Variants in CAMSAP3 observed in about 807,000 individuals in gnomAD.
CAMSAP3 encodes the protein calmodulin regulated spectrin associated protein family member 3, also known as calmodulin-regulated spectrin-associated protein 3.
In CAMSAP3, 34 loss-of-function variants were observed where a neutral mutation model predicts 112.5. That is an observed-to-expected ratio of 0.30 (90% CI 0.23 to 0.40). CAMSAP3 has a LOEUF of 0.40. CAMSAP3 is among the 10% of genes least tolerant of loss of function. The pLI, the probability that CAMSAP3 is intolerant of heterozygous loss-of-function variation, is 1.00. For missense variants in CAMSAP3, 1,602 were observed against 1,770.3 expected (o/e 0.90, Z 1.71); for synonymous variants, 868 against 799.8 (o/e 1.09, Z -1.44).
Position 7,617,696 on chromosome 19 carries a change from T to A in CAMSAP3, c.3444+35T>A, listed in dbSNP as rs1306034585. On this transcript the variant is annotated intron_variant, in intron 16 of 16. Transcript: ENST00000160298. This position sits in a 1 kb window ranked among gnomAD's most constrained non-coding sequence, Gnocchi z 7.5. ...CCCACACGTGGGAGTTGGGGGCTGG[T>A]GGGTGGGTGGGTGGCCTGACTTGGC... is the stretch of plus-strand genomic sequence containing the variant. 6.2e-7 allele frequency: 1 copy of A among 1,606,390 alleles called. No individual in the cohort carries two copies. The highest frequency in any genetic ancestry group is 1.1e-5 in the South Asian group (1 of 90,762).
intron 1 of CAMSAP3, among the ~76,000 whole-genome samples, chr19:7,597,260 CCAGA>C (rs1302698856): frequency 6.6e-6 from 1 of 152,142 alleles, no homozygotes; most frequent in Non-Finnish European, 1.5e-5. Context: ...CCTCTTTCTC[CCAGA>C]CAGTCTCTGT....
rs1158617034 is a variant in CAMSAP3, at chr19:7,607,903, C to G, written c.622-223C>G. ...CCCCCGCCCCGGGGTCCCAGGAGTC[C>G]CTGTCCCCAGCCCCCGCTGCTGGCC... On this transcript the variant is annotated intron_variant, in intron 4 of 16. Transcript: ENST00000160298. The surrounding 1 kb of genome is among the most constrained non-coding windows in gnomAD (Gnocchi z 4.9). 6.9e-6 allele frequency: 6 copies of G among 866,840 alleles called. No homozygotes were observed. The highest frequency in any genetic ancestry group is 1.1e-5 in the Non-Finnish European group (6 of 527,504). 53.7% of individuals were successfully genotyped at this position (866,840 alleles called of 1,614,324 possible).
Position 7,612,781 on chromosome 19 carries a change from T to C in CAMSAP3, c.2288T>C (p.Val763Ala). 1.3e-6 allele frequency: 2 copies of C among 1,531,248 alleles called. No individual in the cohort carries two copies. The highest frequency in any genetic ancestry group is 1.7e-6 in the Non-Finnish European group (2 of 1,144,796). 94.9% of individuals were successfully genotyped at this position (1,531,248 alleles called of 1,614,324 possible). A position where few individuals can be genotyped will look rare whatever the true frequency, so the allele number is the denominator to read the frequency against. The change falls in exon 11 of 17, where the codon GTC (valine) becomes GCC (alanine). Residue 763 changes from valine (V) to alanine (A), a missense_variant. Physicochemically the swap from Val to Ala is moderately conservative, Grantham distance 64. Around this residue, in one of 6 missense-constraint regions of CAMSAP3, gnomAD observed 1,100 missense variants for 1,135.7 expected, o/e 0.97. Coordinates refer to ENST00000160298, the MANE Select transcript of CAMSAP3 (RefSeq NM_020902.2). ...GCATCCCCCAGCCCCGCCCGGCGAGTCCCGGCCACCCGGCGCAGCCCTGGG... is the reference window on the plus strand; with the variant it reads ...GCATCCCCCAGCCCCGCCCGGCGAGCCCCGGCCACCCGGCGCAGCCCTGGG... ...KAASPSPARRVPATRRSPGPG... is the reference protein window; with the variant it reads ...KAASPSPARRAPATRRSPGPG...
chr19:7,612,702 G>A lies in CAMSAP3; in HGVS notation c.2209G>A (p.Ala737Thr). The A allele has an allele frequency of 6.6e-7, 1 of 1,521,188 alleles. No individual in the cohort carries two copies. Among genetic ancestry groups the A allele is most frequent in the Non-Finnish European group, 8.8e-7 (1 of 1,137,806 alleles). The allele number at this position is 1,521,188 out of a possible 1,614,324, so 94.2% of individuals were successfully genotyped here. A position where few individuals can be genotyped will look rare whatever the true frequency, so the allele number is the denominator to read the frequency against. Reference protein sequence around the residue: ...LLAPPEAPGSAPPPAAWVIPG... With the variant: ...LLAPPEAPGSTPPPAAWVIPG... ...GGCCCCGCCCGAGGCCCCCGGATCC[G>A]CCCCACCACCTGCTGCGTGGGTCAT... Residue 737 changes from alanine (A) to threonine (T), a missense_variant, in exon 11 of 17, where the codon GCC (alanine) becomes ACC (threonine). Coordinates refer to ENST00000160298, the MANE Select transcript of CAMSAP3 (RefSeq NM_020902.2).
Position 7,617,993 on chromosome 19 carries a change from A to G in CAMSAP3, c.3686A>G (p.Gln1229Arg), listed in dbSNP as rs2030905856. 6.2e-7 allele frequency: 1 copy of G among 1,614,120 alleles called. No individual in the cohort carries two copies. The highest frequency in any genetic ancestry group is 8.5e-7 in the Non-Finnish European group (1 of 1,180,020). The change falls in exon 17 of 17, where the codon CAG becomes CGG. Residue 1229 changes from glutamine to arginine, a missense_variant. Gln to Arg is a conservative substitution (Grantham distance 43). This residue lies in a region of CAMSAP3 where 150 missense variants were observed against 207.6 expected (regional missense o/e 0.72). Transcript: ENST00000160298. This position sits in a 1 kb window ranked among gnomAD's most constrained non-coding sequence, Gnocchi z 7.5. ...ATGAGCGTCGATGCCTTCACCATCC[A>G]GGGACACCTCTGGCAGGGCAAGAAA... ...MSMSVDAFTI[Q>R]GHLWQGKKPT...
Position 7,612,801 on chromosome 19 carries a change from C to A in CAMSAP3, c.2308C>A (p.Pro770Thr). ...ARRVPATRRS[P>T]GPGPSQSPRS... ...GCGAGTCCCGGCCACCCGGCGCAGCCCTGGGCCCGGGCCCAGCCAGTCACC... is the reference window on the plus strand; with the variant it reads ...GCGAGTCCCGGCCACCCGGCGCAGCACTGGGCCCGGGCCCAGCCAGTCACC... Residue 770 changes from proline to threonine, a missense_variant, in exon 11 of 17, where the codon CCT becomes ACT. By Grantham distance (38) the Pro-to-Thr change is conservative. This residue lies in a region of CAMSAP3 where 1,100 missense variants were observed against 1,135.7 expected (regional missense o/e 0.97). Coordinates refer to ENST00000160298, the MANE Select transcript of CAMSAP3 (RefSeq NM_020902.2). 1 of 1,543,030 alleles carries A rather than the reference C, an allele frequency of 6.5e-7. No homozygotes were observed. The highest frequency in any genetic ancestry group is 8.7e-7 in the Non-Finnish European group (1 of 1,150,230).
intron 2 of CAMSAP3, 41 bp downstream of exon 2, chr19:7,605,520 T>C: frequency 7.0e-7 from 1 of 1,427,480 alleles, no homozygotes; most frequent in Non-Finnish European, 9.2e-7. Context: ...CCTACCATGC[T>C]CAGCTCCTCC....
In CAMSAP3 at chr19:7,613,012, G is replaced by A. The variant is rs755873356; in HGVS notation, c.2519G>A (p.Arg840Gln). Residue 840 changes from arginine to glutamine, a missense_variant, in exon 11 of 17, where the codon CGG becomes CAG. By Grantham distance (43) the Arg-to-Gln change is conservative. This residue lies in a region of CAMSAP3 where 1,100 missense variants were observed against 1,135.7 expected (regional missense o/e 0.97). Coordinates refer to ENST00000160298, the MANE Select transcript of CAMSAP3 (RefSeq NM_020902.2). ...ACGCCCCCCGAGGAGCCAGCCGCCC[G>A]GCCGGGCCTCATCGAGATCCCGCTG... is the stretch of plus-strand genomic sequence containing the variant. The part of the protein sequence containing the change: ...EETPPEEPAA[R>Q]PGLIEIPLGS... The A allele has an allele frequency of 1.9e-5, 30 of 1,564,012 alleles. No homozygotes were observed. The highest frequency in any genetic ancestry group is 5.5e-5 in the African/African-American group (4 of 73,166).
In CAMSAP3 at chr19:7,596,051, C is replaced by A; in HGVS notation, c.49C>A (p.Leu17Ile). The change falls in exon 1 of 17, where the codon CTA becomes ATA. Residue 17 changes from leucine to isoleucine, a missense_variant. Transcript: ENST00000160298. The stretch of plus-strand genomic sequence containing the variant: ...GCCCGGGCCGCTGCGGAGGACCTTT[C>A]TAGTGCCCGAGATCAAGTCGCTGGA... ...PGPGPLRRTF[L>I]VPEIKSLDQY... The A allele has an allele frequency of 1.6e-6, 2 of 1,266,276 alleles. No homozygotes were observed. The highest frequency in any genetic ancestry group is 6.2e-5 in the East Asian group (1 of 16,238). 78.4% of individuals were successfully genotyped at this position (1,266,276 alleles called of 1,614,324 possible).
chr19:7,610,527 A>G lies in CAMSAP3; in HGVS notation c.812A>G (p.Gln271Arg). 6.2e-7 allele frequency: 1 copy of G among 1,613,658 alleles called. No individual in the cohort carries two copies. Residue 271 changes from glutamine (Q) to arginine (R), a missense_variant, in exon 6 of 17, where the codon CAG (glutamine) becomes CGG (arginine). Transcript: ENST00000160298. The surrounding 1 kb of genome is among the most constrained non-coding windows in gnomAD (Gnocchi z 4.9). ...GTGGCGGACAGCCTGTACAACCTCC[A>G]GCTCGTGCAGGATTTCTGTGCCTCT... Reference protein sequence around the residue: ...MSVADSLYNLQLVQDFCASRL... With the variant: ...MSVADSLYNLRLVQDFCASRL...
Position 7,612,374 on chromosome 19 carries a change from G to T in CAMSAP3, c.1881G>T (p.Lys627Asn). The change falls in exon 11 of 17, where the codon AAG (lysine) becomes AAT (asparagine). Residue 627 changes from lysine (K) to asparagine (N), a missense_variant. This residue lies in a region of CAMSAP3 where 1,100 missense variants were observed against 1,135.7 expected (regional missense o/e 0.97). Transcript: ENST00000160298. ...GACGGATTGAGGCCATATTCGCCAA[G>T]CACCGCCAGCGGCTGGGCAAAAGCG... ...QKRRIEAIFA[K>N]HRQRLGKSAF... is the part of the protein sequence containing the mutation. 6.3e-7 allele frequency: 1 copy of T among 1,599,872 alleles called. No homozygotes were observed.
At chr19:7,608,856 A>T (rs1193999810) in intron 5 of CAMSAP3, among the ~76,000 whole-genome samples, 2 of 151,984 alleles carry the variant, frequency 1.3e-5, no homozygotes, top group African/African-American at 4.8e-5. Context: ...CTGGTGTCGA[A>T]TTCCTGACCT....
chr19:7,610,621 G>T lies in CAMSAP3; in HGVS notation c.900+6G>T. On this transcript the variant is annotated splice_donor_region_variant and intron_variant, in intron 6 of 16. Transcript: ENST00000160298. The surrounding 1 kb of genome is among the most constrained non-coding windows in gnomAD (Gnocchi z 4.9). ...ACGTCCCACCGCCACTCAAGGTAAG[G>T]CCATCCTGGGGCCTCCTGGGCCGAG... 1 of 1,613,644 alleles carries T rather than the reference G, an allele frequency of 6.2e-7. No homozygotes were observed. The highest frequency in any genetic ancestry group is 1.3e-5 in the African/African-American group (1 of 75,050).
rs1371149985 is a variant in CAMSAP3 at position 7,617,694 on chromosome 19, G to A, written c.3444+33G>A. The stretch of plus-strand genomic sequence containing the variant: ...CGCCCACACGTGGGAGTTGGGGGCT[G>A]GTGGGTGGGTGGGTGGCCTGACTTG... On this transcript the variant is annotated intron_variant, in intron 16 of 16. Coordinates refer to ENST00000160298, the MANE Select transcript of CAMSAP3 (RefSeq NM_020902.2). This position sits in a 1 kb window ranked among gnomAD's most constrained non-coding sequence, Gnocchi z 7.5. The A allele has an allele frequency of 1.2e-6, 2 of 1,609,876 alleles. No homozygotes were observed. Among genetic ancestry groups the A allele is most frequent in the Admixed American group, 1.7e-5 (1 of 59,858 alleles).
chr19:7,611,296 A>G lies in CAMSAP3; in HGVS notation c.1123+128A>G, dbSNP rs1323608929. 8 of 995,252 alleles carry G rather than the reference A, an allele frequency of 8.0e-6. No individual in the cohort carries two copies. Among genetic ancestry groups the G allele is most frequent in the Admixed American group, 2.2e-5 (1 of 45,910 alleles). The allele number at this position is 995,252 out of a possible 1,614,324, so 61.7% of individuals were successfully genotyped here. A position where few individuals can be genotyped will look rare whatever the true frequency, so the allele number is the denominator to read the frequency against. On this transcript the variant is annotated intron_variant, in intron 9 of 16. Coordinates refer to ENST00000160298, the MANE Select transcript of CAMSAP3 (RefSeq NM_020902.2). The surrounding 1 kb of genome is among the most constrained non-coding windows in gnomAD (Gnocchi z 6.9). ...CCATCAGATCCCCCTTGGGCATCCC[A>G]AAGTGACCCCCAGAATGGCCTCCCC...
Position 7,612,815 on chromosome 19 carries a change from C to T in CAMSAP3, c.2322C>T (p.Pro774=), listed in dbSNP as rs2030575238. The T allele has an allele frequency of 6.4e-7, 1 of 1,554,660 alleles. No homozygotes were observed. The highest frequency in any genetic ancestry group is 1.4e-5 in the African/African-American group (1 of 72,338). The change falls in exon 11 of 17, where the codon CCC becomes CCT. Residue 774 remains proline (P), a synonymous_variant. Coordinates refer to ENST00000160298, the MANE Select transcript of CAMSAP3 (RefSeq NM_020902.2). ...CCCGGCGCAGCCCTGGGCCCGGGCC[C>T]AGCCAGTCACCCCGCAGCCCGAAAC... ...PATRRSPGPG[P]SQSPRSPKHT...
Position 7,618,082 on chromosome 19 carries a change from G to C in CAMSAP3, c.*25G>C. 1 of 1,598,022 alleles carries C rather than the reference G, an allele frequency of 6.3e-7. No homozygotes were observed. Among genetic ancestry groups the C allele is most frequent in the Non-Finnish European group, 8.5e-7 (1 of 1,172,532 alleles). On this transcript the variant is annotated 3_prime_UTR_variant, in exon 17 of 17. Coordinates refer to ENST00000160298, the MANE Select transcript of CAMSAP3 (RefSeq NM_020902.2). ...GCCCCACCCGGGCGGTCCACGGGCCGGGCCCTGTGTGCTGCGGCCGCCATC... is the reference window on the plus strand; with the variant it reads ...GCCCCACCCGGGCGGTCCACGGGCCCGGCCCTGTGTGCTGCGGCCGCCATC...
At position 7,605,344 on chromosome 19, in the gene CAMSAP3, C is replaced by G. The variant is rs756163530; in HGVS notation, c.267C>G (p.Arg89=). 9.9e-6 allele frequency: 16 copies of G among 1,608,498 alleles called. No homozygotes were observed. The highest frequency in any genetic ancestry group is 1.4e-5 in the Non-Finnish European group (16 of 1,177,118). Residue 89 remains arginine, a synonymous_variant, in exon 2 of 17, where the codon CGC becomes CGG. Transcript: ENST00000160298. The part of the protein sequence containing the change: ...LSAELYCRAW[R]QALPQLETPP... ...CCGAGCTCTACTGCAGAGCCTGGCGCCAGGCACTGCCACAGCTTGAAACAC... is the reference window on the plus strand; with the variant it reads ...CCGAGCTCTACTGCAGAGCCTGGCGGCAGGCACTGCCACAGCTTGAAACAC...
chr19:7,612,882 G>C lies in CAMSAP3; in HGVS notation c.2389G>C (p.Val797Leu). 1 of 1,607,104 alleles carries C rather than the reference G, an allele frequency of 6.2e-7. No homozygotes were observed. Among genetic ancestry groups the C allele is most frequent in the Non-Finnish European group, 8.5e-7 (1 of 1,178,484 alleles). Residue 797 changes from valine (V) to leucine (L), a missense_variant, in exon 11 of 17, where the codon GTG (valine) becomes CTG (leucine). Around this residue, in one of 6 missense-constraint regions of CAMSAP3, gnomAD observed 1,100 missense variants for 1,135.7 expected, o/e 0.97. Coordinates refer to ENST00000160298, the MANE Select transcript of CAMSAP3 (RefSeq NM_020902.2). ...AELRLAPLTR[V>L]LTPPHDVDSL... is the part of the protein sequence containing the mutation. ...GCTGCGGCTGGCACCCTTGACCAGG[G>C]TGCTTACGCCACCCCACGACGTAGA... is the stretch of plus-strand genomic sequence containing the variant.
Sources: allele counts gnomAD v4.1 joint callset (sites outside exome capture counted in the v4.1 genomes callset), GRCh38; gene constraint gnomAD v4.1.1; regional missense constraint gnomAD v4.1.1; non-coding constraint Gnocchi (gnomAD v3.1); transcripts MANE v1.5; gene names NCBI Gene and HGNC (gene_info 2026-07-23, HGNC 2026-07-21).